Variants in MYO15A observed in about 807,000 individuals in gnomAD.
MYO15A encodes the protein myosin XVA, also known as unconventional myosin-XV.
In MYO15A, 308 loss-of-function variants were observed where a neutral mutation model predicts 394.6. That is an observed-to-expected ratio of 0.78 (90% CI 0.71 to 0.86). MYO15A has a LOEUF of 0.86. Among genes scored for constraint, MYO15A ranks in the 40% least tolerant of loss-of-function variants. The pLI is 0.00. For missense variants in MYO15A, 4,606 were observed against 4,799.1 expected (o/e 0.96, Z 1.19); for synonymous variants, 1,957 against 2,003.8 (o/e 0.98, Z 0.62).
chr17:18,168,272 A>G (rs1437848623), intron 62 of MYO15A, among the ~76,000 whole-genome samples: 1 of 152,090 alleles, frequency 6.6e-6, no homozygotes, highest in East Asian at 1.9e-4. Context: ...TTTTGTAGAA[A>G]CAGGGTCTTG....
chr17:18,135,897 C>T (rs1281200606), intron 13 of MYO15A, 73 bp downstream of exon 13: 3 of 1,396,220 alleles, frequency 2.1e-6, no homozygotes, highest in Non-Finnish European at 3.0e-6. Context: ...TGTGCCGATC[C>T]TTTGTGGGCA....
Position 18,150,686 on chromosome 17 carries a change from C to G in MYO15A, c.7328-12C>G. On this transcript the variant is annotated splice_polypyrimidine_tract_variant and intron_variant, in intron 36 of 65. Coordinates refer to ENST00000647165, the MANE Select transcript of MYO15A (RefSeq NM_016239.4). The surrounding 1 kb of genome is among the most constrained non-coding windows in gnomAD (Gnocchi z 4.4). ...TCCGGTGCCATCTGTGCCTTCTGCCCCCTCCCCTCAGTCCCAGGCCTGGAT... is the reference window on the plus strand; with the variant it reads ...TCCGGTGCCATCTGTGCCTTCTGCCGCCTCCCCTCAGTCCCAGGCCTGGAT... The G allele has an allele frequency of 1.3e-6, 2 of 1,590,208 alleles. No individual in the cohort carries two copies. The highest frequency in any genetic ancestry group is 1.7e-6 in the Non-Finnish European group (2 of 1,166,992).
In MYO15A at chr17:18,119,577, C is replaced by T. The variant is rs774662522; in HGVS notation, c.777C>T (p.Pro259=). The stretch of plus-strand genomic sequence containing the variant: ...TCCACCGCTACGAGGAGCAGGAACC[C>T]TACCTGGCGGGCCTCGGCCCCTACA... ...QSLHRYEEQE[P]YLAGLGPYSP... is the part of the protein sequence containing the mutation. Residue 259 remains proline (P), a synonymous_variant, in exon 2 of 66, where the codon CCC becomes CCT. Transcript: ENST00000647165. 1.2e-6 allele frequency: 2 copies of T among 1,605,850 alleles called. No homozygotes were observed. Among genetic ancestry groups the T allele is most frequent in the Admixed American group, 1.7e-5 (1 of 60,016 alleles).
Position 18,124,527 on chromosome 17 carries a change from G to C in MYO15A, c.3654G>C (p.Gln1218His). 6.2e-7 allele frequency: 1 copy of C among 1,613,188 alleles called. No homozygotes were observed. Among genetic ancestry groups the C allele is most frequent in the Non-Finnish European group, 8.5e-7 (1 of 1,179,976 alleles). Residue 1218 changes from glutamine (Q) to histidine (H), a missense_variant, in exon 3 of 66, where the codon CAG (glutamine) becomes CAC (histidine). Transcript: ENST00000647165. ...RNLPSMRFRE[Q>H]HGEDGVEDMT... ...TGCCATCCATGCGGTTCCGTGAGCAGCACGGGGAGGATGGTGTGGAGGACA... is the reference window on the plus strand; with the variant it reads ...TGCCATCCATGCGGTTCCGTGAGCACCACGGGGAGGATGGTGTGGAGGACA...
Position 18,150,414 on chromosome 17 carries a change from A to G in MYO15A, c.7213-15A>G. 1 of 1,611,586 alleles carries G rather than the reference A, an allele frequency of 6.2e-7. No homozygotes were observed. Among genetic ancestry groups the G allele is most frequent in the Non-Finnish European group, 8.5e-7 (1 of 1,177,916 alleles). ...CAATAATGAGATGGTCACTTGAGCC[A>G]CCCACTGCCCCCAGGACCTGGAGAA... is the stretch of plus-strand genomic sequence containing the variant. On this transcript the variant is annotated splice_polypyrimidine_tract_variant and intron_variant, in intron 35 of 65. Coordinates refer to ENST00000647165, the MANE Select transcript of MYO15A (RefSeq NM_016239.4). This position sits in a 1 kb window ranked among gnomAD's most constrained non-coding sequence, Gnocchi z 4.4.
Position 18,138,197 on chromosome 17 carries a change from AGCCTTATG to A in MYO15A, c.4961_4968del (p.Pro1654HisfsTer6). 1 of 1,613,756 alleles carries A rather than the reference AGCCTTATG, an allele frequency of 6.2e-7. No individual in the cohort carries two copies. Among genetic ancestry groups the A allele is most frequent in the African/African-American group, 1.3e-5 (1 of 75,044 alleles). On this transcript the variant is annotated frameshift_variant, in exon 17 of 66. Coordinates refer to ENST00000647165, the MANE Select transcript of MYO15A (RefSeq NM_016239.4). LOFTEE classifies it high-confidence loss of function. ...CCCTGCATCAACCTCATCTCACTGAAGCCTTATGGCATCCTGCGGATCCTTGACGACCA... is the reference window on the plus strand; with the variant it reads ...CCCTGCATCAACCTCATCTCACTGAAGCATCCTGCGGATCCTTGACGACCA...
At chr17:18,149,076 G>C in intron 33 of MYO15A, 124 bp downstream of exon 33, 1 of 1,477,992 alleles carries the variant, frequency 6.8e-7, no homozygotes, top group Non-Finnish European at 9.2e-7. Context: ...TTAGACTTCA[G>C]GTTCTTAAGG....
chr17:18,153,891 A>G lies in MYO15A; in HGVS notation c.8083A>G (p.Lys2695Glu). 1 of 1,613,488 alleles carries G rather than the reference A, an allele frequency of 6.2e-7. No homozygotes were observed. Among genetic ancestry groups the G allele is most frequent in the East Asian group, 2.2e-5 (1 of 44,864 alleles). Residue 2695 changes from lysine to glutamate, a missense_variant, in exon 43 of 66, where the codon AAA (lysine) becomes GAA (glutamate). Physicochemically the swap from Lys to Glu is moderately conservative, Grantham distance 56 (BLOSUM62 1). Transcript: ENST00000647165. This position sits in a 1 kb window ranked among gnomAD's most constrained non-coding sequence, Gnocchi z 4.1. Reference protein sequence around the residue: ...QDAPWKIFLRKEVFYPKDSYS... With the variant: ...QDAPWKIFLREEVFYPKDSYS... ...CGCCCCCTGGAAGATCTTCCTGCGC[A>G]AAGAGGTGCCGAGCACAGCCGTAGC...
Position 18,144,521 on chromosome 17 carries a change from G to A in MYO15A, c.6202G>A (p.Val2068Met). ...FKEPAFGMLTVPLRTPLTQLP... is the reference protein window; with the variant it reads ...FKEPAFGMLTMPLRTPLTQLP... The stretch of plus-strand genomic sequence containing the variant: ...GGAACCTGCCTTTGGGATGCTGACA[G>A]TGCCCCTGAGGACACCCCTCACGCA... The change falls in exon 29 of 66, where the codon GTG becomes ATG. Residue 2068 changes from valine (V) to methionine (M), a missense_variant. Val to Met is a conservative substitution (Grantham distance 21, BLOSUM62 1). Around this residue, in one of 2 missense-constraint regions of MYO15A, gnomAD observed 2,776 missense variants for 3,109.3 expected, o/e 0.89. Transcript: ENST00000647165. 2 of 1,613,396 alleles carry A rather than the reference G, an allele frequency of 1.2e-6. No homozygotes were observed. Among genetic ancestry groups the A allele is most frequent in the South Asian group, 1.1e-5 (1 of 91,088 alleles).
Position 18,151,453 on chromosome 17 carries a change from G to A in MYO15A, c.7713G>A (p.Gln2571=), listed in dbSNP as rs777513431. Residue 2571 remains glutamine, a synonymous_variant, in exon 40 of 66, where the codon CAG becomes CAA. Coordinates refer to ENST00000647165, the MANE Select transcript of MYO15A (RefSeq NM_016239.4). The part of the protein sequence containing the change: ...YSTLNSEHFP[Q]PTQQIKNIVR... ...CGCTCAACTCTGAGCACTTCCCACAGCCCACACAGCAGATCAAGAATATTG... is the reference window on the plus strand; with the variant it reads ...CGCTCAACTCTGAGCACTTCCCACAACCCACACAGCAGATCAAGAATATTG... 2.6e-5 allele frequency: 42 copies of A among 1,614,036 alleles called. 1 individual carries two copies. In the South Asian group the frequency reaches 4.6e-4, roughly 18 times the overall value.
Position 18,153,873 on chromosome 17 carries a change from T to C in MYO15A, c.8065T>C (p.Trp2689Arg), listed in dbSNP as rs2046628413. ...PNFYGYQDAP[W>R]KIFLRKEVFY... Reference sequence around the variant, plus strand: ...CTTCTACGGCTATCAGGACGCCCCCTGGAAGATCTTCCTGCGCAAAGAGGT... The same window carrying C: ...CTTCTACGGCTATCAGGACGCCCCCCGGAAGATCTTCCTGCGCAAAGAGGT... The change falls in exon 43 of 66, where the codon TGG (tryptophan) becomes CGG (arginine). Residue 2689 changes from tryptophan to arginine, a missense_variant. By Grantham distance (101) the Trp-to-Arg change is moderately radical. Coordinates refer to ENST00000647165, the MANE Select transcript of MYO15A (RefSeq NM_016239.4). The surrounding 1 kb of genome is among the most constrained non-coding windows in gnomAD (Gnocchi z 4.1). 1.9e-6 allele frequency: 3 copies of C among 1,613,506 alleles called. No homozygotes were observed. The highest frequency in any genetic ancestry group is 2.2e-5 in the East Asian group (1 of 44,874).
chr17:18,119,811 C>T lies in MYO15A; in HGVS notation c.1011C>T (p.His337=), dbSNP rs1467517812. The T allele has an allele frequency of 1.9e-6, 3 of 1,613,064 alleles. No individual in the cohort carries two copies. The highest frequency in any genetic ancestry group is 1.3e-5 in the African/African-American group (1 of 74,908). ...SYHDGYEGEA[H]PYGYYLDPYA... ...ACGATGGGTACGAGGGCGAGGCGCA[C>T]CCTTATGGCTACTACCTGGATCCCT... The change falls in exon 2 of 66, where the codon CAC becomes CAT. Residue 337 remains histidine, a synonymous_variant. Coordinates refer to ENST00000647165, the MANE Select transcript of MYO15A (RefSeq NM_016239.4).
At chr17:18,155,473 A>C in intron 47 of MYO15A, 41 bp downstream of exon 47, 1 of 1,544,588 alleles carries the variant, frequency 6.5e-7, no homozygotes, top group Non-Finnish European at 8.9e-7. Flanking sequence ...GGAGACTGGG[A>C]TACAGACTGG....
chr17:18,145,725 T>C, intron 29 of MYO15A, 147 bp from the exon 30 acceptor site: 1 of 690,356 alleles, frequency 1.4e-6, no homozygotes, highest in Non-Finnish European at 2.5e-6. Flanking sequence ...AAATATTCTA[T>C]ATATATAGCA....
chr17:18,159,988 G>GCAGA lies in MYO15A; in HGVS notation c.9358_9361dup (p.Ile3121ThrfsTer31). 1 of 1,613,506 alleles carries GCAGA rather than the reference G, an allele frequency of 6.2e-7. No individual in the cohort carries two copies. The highest frequency in any genetic ancestry group is 8.5e-7 in the Non-Finnish European group (1 of 1,180,022). On this transcript the variant is annotated frameshift_variant, in exon 56 of 66. Coordinates refer to ENST00000647165, the MANE Select transcript of MYO15A (RefSeq NM_016239.4). LOFTEE classifies it high-confidence loss of function. ...ATGAATGTTACTGCCAAGTTGTGAA[G>GCAGA]CAGATCACAGACAATACCAGCTCCA... is the stretch of plus-strand genomic sequence containing the variant.
rs201163103 is a variant in MYO15A, at chr17:18,142,121, C to T, written c.5692C>T (p.Arg1898Ter). 4.3e-6 allele frequency: 7 copies of T among 1,613,682 alleles called. No individual in the cohort carries two copies. Among genetic ancestry groups the T allele is most frequent in the African/African-American group, 1.3e-5 (1 of 75,058 alleles). Residue 1898 changes from arginine (R) to a stop codon, truncating the protein, a stop_gained, in exon 24 of 66, where the codon CGA becomes TGA. Coordinates refer to ENST00000647165, the MANE Select transcript of MYO15A (RefSeq NM_016239.4). LOFTEE classifies it high-confidence loss of function. ...EHLYQLLESM[R>*]EHVLNLAALT... ...CCTATACCAGCTGCTGGAGAGTATGCGAGAGCATGTCCTGAATCTGGCAGC... is the reference window on the plus strand; with the variant it reads ...CCTATACCAGCTGCTGGAGAGTATGTGAGAGCATGTCCTGAATCTGGCAGC...
chr17:18,121,029 C>T lies in MYO15A; in HGVS notation c.2229C>T (p.Pro743=). The T allele has an allele frequency of 6.6e-7, 1 of 1,509,876 alleles. No individual in the cohort carries two copies. The highest frequency in any genetic ancestry group is 8.8e-7 in the Non-Finnish European group (1 of 1,133,868). 93.5% of individuals were successfully genotyped at this position (1,509,876 alleles called of 1,614,324 possible). Residue 743 remains proline, a synonymous_variant, in exon 2 of 66, where the codon CCC becomes CCT. Coordinates refer to ENST00000647165, the MANE Select transcript of MYO15A (RefSeq NM_016239.4). This position sits in a 1 kb window ranked among gnomAD's most constrained non-coding sequence, Gnocchi z 5.3. The stretch of plus-strand genomic sequence containing the variant: ...TACTAGCCTTCCCAGGGCCCCGACC[C>T]TCGTTCAGGGGCTCCCGCCGGAGAG... The part of the protein sequence containing the change: ...PDLLAFPGPR[P]SFRGSRRRGA...
Position 18,147,858 on chromosome 17 carries a change from C to T in MYO15A, c.6510-171C>T, listed in dbSNP as rs2046507045. Among the ~76,000 whole-genome samples the T allele has an allele frequency of 6.6e-6, 1 of 152,200 alleles. No individual in the cohort carries two copies. The highest frequency in any genetic ancestry group is 2.1e-4 in the South Asian group (1 of 4,834). ...CAGTCCCAGAGCACTGGACTCTAGC[C>T]TGGGACCCTTGTGAACCAGCCTGGA... On this transcript the variant is annotated intron_variant, in intron 30 of 65. Transcript: ENST00000647165. This position sits in a 1 kb window ranked among gnomAD's most constrained non-coding sequence, Gnocchi z 4.4.
At position 18,119,045 on chromosome 17, in the gene MYO15A, C is replaced by A; in HGVS notation, c.245C>A (p.Ser82Tyr). 6.2e-7 allele frequency: 1 copy of A among 1,612,574 alleles called. No homozygotes were observed. Among genetic ancestry groups the A allele is most frequent in the Non-Finnish European group, 8.5e-7 (1 of 1,179,876 alleles). The change falls in exon 2 of 66, where the codon TCC (serine) becomes TAC (tyrosine). Residue 82 changes from serine to tyrosine, a missense_variant. By Grantham distance (144) the Ser-to-Tyr change is moderately radical. Around this residue, in one of 2 missense-constraint regions of MYO15A, gnomAD observed 1,830 missense variants for 1,689.7 expected, o/e 1.08. Coordinates refer to ENST00000647165, the MANE Select transcript of MYO15A (RefSeq NM_016239.4). ...AGGAAGGCCCGCACCGTGCTCAAGT[C>A]CACGTCAAAGCTCATGACGCAGATG... ...RKRKARTVLK[S>Y]TSKLMTQMRM...
Sources: gnomAD v4.1 joint callset for allele counts (sites outside exome capture counted in the v4.1 genomes callset) on GRCh38, gnomAD v4.1.1 for gene constraint, gnomAD v4.1.1 regional missense constraint, Gnocchi (gnomAD v3.1) non-coding constraint, MANE v1.5 for transcripts, NCBI Gene and HGNC (gene_info 2026-07-23, HGNC 2026-07-21) for gene names.